The following NCOA6 variants were observed in gnomAD, a reference collection of about 807,000 sequenced individuals.
NCOA6 encodes the protein nuclear receptor coactivator 6, also known as NRC RAP250.
In NCOA6, 49 loss-of-function variants were observed where a neutral mutation model predicts 171.4. That is an observed-to-expected ratio of 0.29 (90% confidence interval 0.23 to 0.36). The LOEUF (loss-of-function observed/expected upper bound fraction) is 0.36. Among genes scored for constraint, NCOA6 ranks in the 10% least tolerant of loss-of-function variants. The pLI, the probability that NCOA6 is intolerant of heterozygous loss-of-function variation, is 1.00. For synonymous variants in NCOA6, 910 were observed against 927.5 expected (o/e 0.98, Z 0.34); for missense variants, 2,248 against 2,554.5 (o/e 0.88, Z 2.59).
intron 11 of NCOA6, 86 bp from the exon 12 acceptor site, chr20:34,736,844 C>T: frequency 2.5e-6 from 3 of 1,189,964 alleles, no homozygotes; most frequent in Non-Finnish European, 3.5e-6. Flanking sequence ...GGCTAAGTAA[C>T]TGCTGAAACA....
intron 4 of NCOA6, among the ~76,000 whole-genome samples, chr20:34,772,570 T>C (rs2146031606): frequency 6.6e-6 from 1 of 151,386 alleles, no homozygotes; most frequent in South Asian, 2.1e-4. Context: ...CTGTGAGACT[T>C]TGTAACCAGA....
At chr20:34,716,888 T>C (rs1250782244) in intron 14 of NCOA6, among the ~76,000 whole-genome samples, 3 of 152,206 alleles carry the variant, frequency 2.0e-5, no homozygotes, top group Non-Finnish European at 4.4e-5. Flanking sequence ...CTTTATTTCA[T>C]ATTCTGGTTT....
rs760040353 is a variant in NCOA6, at chr20:34,732,579, A to G, written c.5979T>C (p.Ala1993=). The change falls in exon 13 of 15, where the codon GCT becomes GCC. Residue 1993 remains alanine, a synonymous_variant. Transcript: ENST00000359003. ...CTTACCTTTGTCCAGAGACTATGGCAGCATTTACCTCCAGCTCTGCAAAAA... is the reference window on the plus strand; with the variant it reads ...CTTACCTTTGTCCAGAGACTATGGCGGCATTTACCTCCAGCTCTGCAAAAA... The part of the protein sequence containing the change: ...SVARPELEVN[A]AIVSGQSSEP... 117 of 1,613,690 alleles carry G rather than the reference A, an allele frequency of 7.3e-5. No homozygotes were observed. The highest frequency in any genetic ancestry group is 9.5e-5 in the Non-Finnish European group (112 of 1,179,846).
At chr20:34,727,685 A>T (rs1990130333) in intron 13 of NCOA6, among the ~76,000 whole-genome samples, 1 of 151,922 alleles carries the variant, frequency 6.6e-6, no homozygotes, top group African/African-American at 2.4e-5. Flanking sequence ...AAAAAATTGG[A>T]ACAAAACTCC....
chr20:34,825,246 C>G (rs1026353717), intron 1 of NCOA6, among the ~76,000 whole-genome samples: 17 of 151,518 alleles, frequency 1.1e-4, no homozygotes, highest in African/African-American at 4.1e-4. Context: ...CCAGCGCCCC[C>G]GCCCGCAGGC....
chr20:34,811,234 T>TATATATATAC (rs1344933526), intron 1 of NCOA6, among the ~76,000 whole-genome samples: 68 of 119,958 alleles, frequency 5.7e-4, no homozygotes, highest in South Asian at 3.3e-3. Flanking sequence ...TATATATATA[T>TATATATATAC]ATGCTTTCAA....
chr20:34,780,355 T>A (rs1395402316), intron 3 of NCOA6, among the ~76,000 whole-genome samples: 1 of 152,162 alleles, frequency 6.6e-6, no homozygotes, highest in African/African-American at 2.4e-5. Flanking sequence ...TTGGTTATTT[T>A]TTATTTATTT....
In NCOA6 at chr20:34,797,550, T is replaced by G. The variant is rs540355954; in HGVS notation, c.-163-4987A>C. 3.9e-5 allele frequency among the ~76,000 whole-genome samples: 6 copies of G among 151,928 alleles called. No homozygotes were observed. The South Asian group carries it at 1.3e-3, about 32-fold the overall frequency. ...AAGCATGACCCAGCACATTCCCAGC[T>G]GTGGTGGCTACAGGGAGAGACTCCT... is the stretch of plus-strand genomic sequence containing the variant. On this transcript the variant is annotated intron_variant, in intron 1 of 14. Coordinates refer to ENST00000359003, the MANE Select transcript of NCOA6 (RefSeq NM_014071.5).
intron 4 of NCOA6, among the ~76,000 whole-genome samples, chr20:34,775,091 A>G (rs540213813): frequency 1.3e-5 from 2 of 152,280 alleles, no homozygotes; most frequent in Admixed American, 1.3e-4. Flanking sequence ...GAAGACATCA[A>G]TGCAAAGGAC....
At chr20:34,767,979 C>T (rs2077031311) in intron 5 of NCOA6, among the ~76,000 whole-genome samples, 1 of 152,118 alleles carries the variant, frequency 6.6e-6, no homozygotes, top group Admixed American at 6.5e-5. Context: ...TTCAGGATTA[C>T]TAGAAAAGGA....
At chr20:34,727,142 A>T in intron 14 of NCOA6, 117 bp downstream of exon 14, 2 of 1,244,886 alleles carry the variant, frequency 1.6e-6, no homozygotes, top group Non-Finnish European at 2.2e-6. Context: ...GAAGACAAAG[A>T]CACTTGACAG....
At chr20:34,785,370 G>C (rs1006336342) in intron 2 of NCOA6, among the ~76,000 whole-genome samples, 2 of 151,302 alleles carry the variant, frequency 1.3e-5, no homozygotes, top group East Asian at 1.9e-4. Context: ...AGAGGCAGGA[G>C]TGCTGTTTGA....
rs546791932 is a variant in NCOA6 at position 34,779,800 on chromosome 20, A to C, written c.235+2321T>G. ...TTAAACCATTGTACATTGAATGTTA[A>C]CTTTTCCAGACATGGAGTTCACTTG... On this transcript the variant is annotated intron_variant, in intron 3 of 14. Coordinates refer to ENST00000359003, the MANE Select transcript of NCOA6 (RefSeq NM_014071.5). 1.7e-3 allele frequency among the ~76,000 whole-genome samples: 251 copies of C among 152,056 alleles called. 1 individual carries two copies. The highest frequency in any genetic ancestry group is 2.6e-3 in the Non-Finnish European group (178 of 67,988).
At chr20:34,754,405 G>A (rs2076583948) in intron 8 of NCOA6, among the ~76,000 whole-genome samples, 1 of 152,134 alleles carries the variant, frequency 6.6e-6, no homozygotes, top group Non-Finnish European at 1.5e-5. Flanking sequence ...TAACAAAGTT[G>A]AGTAGCTCCA....
chr20:34,756,373 T>C (rs144446802), intron 7 of NCOA6, among the ~76,000 whole-genome samples: 10 of 152,364 alleles, frequency 6.6e-5, no homozygotes, highest in African/African-American at 1.9e-4. Context: ...GCCTTTGCTA[T>C]GTTGCACTAA....
rs139557600 is a variant in NCOA6 at position 34,789,809 on chromosome 20, T to C, written c.-50+2641A>G. The stretch of plus-strand genomic sequence containing the variant: ...CTGTCTCAAAAAAATTAAAAATGAC[T>C]ATAAATACTCGGTAAATGTCAAAGT... On this transcript the variant is annotated intron_variant, in intron 2 of 14. Coordinates refer to ENST00000359003, the MANE Select transcript of NCOA6 (RefSeq NM_014071.5). 4.6e-5 allele frequency among the ~76,000 whole-genome samples: 7 copies of C among 152,236 alleles called. No homozygotes were observed. The East Asian group carries it at 1.4e-3, about 29-fold the overall frequency.
chr20:34,778,090 A>G (rs1380177017), intron 3 of NCOA6, among the ~76,000 whole-genome samples: 1 of 152,128 alleles, frequency 6.6e-6, no homozygotes, highest in African/African-American at 2.4e-5. Context: ...TTTTTAGTAG[A>G]CACAGGGTTT....
chr20:34,733,829 T>C (rs980623130), intron 12 of NCOA6, among the ~76,000 whole-genome samples: 6 of 108,142 alleles, frequency 5.5e-5, no homozygotes. Context: ...TCCAGCCTGG[T>C]GACAGAGCAA....
At chr20:34,812,437 G>T (rs903617213) in intron 1 of NCOA6, among the ~76,000 whole-genome samples, 2 of 152,032 alleles carry the variant, frequency 1.3e-5, no homozygotes, top group African/African-American at 4.8e-5. Context: ...TCTTGGTAGG[G>T]ATAATAGACA....
Sources: gnomAD v4.1 joint callset for allele counts (sites outside exome capture counted in the v4.1 genomes callset) on GRCh38, gnomAD v4.1.1 for gene constraint, MANE v1.5 for transcripts, NCBI Gene and HGNC (gene_info 2026-07-23, HGNC 2026-07-21) for gene names.